FBN1: variants seen among roughly 807,000 people sequenced by gnomAD.
FBN1 encodes the protein fibrillin-1.
A neutral mutation model predicts 365.1 loss-of-function variants in FBN1; 29 were observed. The ratio of observed to expected loss-of-function variants is 0.08; its 90% CI spans 0.06 to 0.11. The LOEUF is 0.11. FBN1 is among the 10% of genes least tolerant of loss of function. FBN1 has a pLI of 1.00. For synonymous variants in FBN1, 1,210 were observed against 1,270.5 expected, an observed-to-expected ratio of 0.95 and a Z score of 1.01; for missense variants, 2,476 against 3,703.2, an observed-to-expected ratio of 0.67 and a Z score of 8.60.
Position 48,470,692 on chromosome 15 carries a change from C to T in FBN1, c.4401G>A (p.Leu1467=), listed in dbSNP as rs747377334. 1.2e-6 allele frequency: 2 copies of T among 1,614,070 alleles called. No homozygotes were observed. The highest frequency in any genetic ancestry group is 2.2e-5 in the South Asian group (2 of 91,058). ...VFGTCHNLPG[L]FRCECEIGYE... ...AGCCTATCTCACACTCACAGCGGAA[C>T]AGGCCAGGGAGGTTGTGGCAAGTTC... The change falls in exon 36 of 66, where the codon CTG becomes CTA. Residue 1467 remains leucine, a synonymous_variant. Transcript: ENST00000316623.
At chr15:48,443,657 C>A (rs949954613) in intron 49 of FBN1, among the ~76,000 whole-genome samples, 1 of 152,054 alleles carries the variant, frequency 6.6e-6, no homozygotes, top group Non-Finnish European at 1.5e-5. Flanking sequence ...AGATGCAGAC[C>A]TGTTTAAAGT....
rs1303761807 is a variant in FBN1, at chr15:48,463,128, G to A, written c.5178C>T (p.Gly1726=). 5 of 1,614,082 alleles carry A rather than the reference G, an allele frequency of 3.1e-6. No homozygotes were observed. The highest frequency in any genetic ancestry group is 4.2e-6 in the Non-Finnish European group (5 of 1,179,934). Residue 1726 remains glycine (G), a synonymous_variant, in exon 42 of 66, where the codon GGC becomes GGT. Transcript: ENST00000316623. ...GTTCACAGGGCTTGTTCCACGCCCG[G>A]CCAATGTTGTAGGAACAGCAGCACA... is the stretch of plus-strand genomic sequence containing the variant. The part of the protein sequence containing the change: ...KKMCCCSYNI[G]RAWNKPCEQC...
chr15:48,488,405 G>A lies in FBN1; in HGVS notation c.3171C>T (p.Ser1057=), dbSNP rs144400069. 111 of 1,614,214 alleles carry A rather than the reference G, an allele frequency of 6.9e-5. No homozygotes were observed. The highest frequency in any genetic ancestry group is 1.9e-4 in the African/African-American group (14 of 75,044). ...TTTCTTCAGAATCAAGAGCAAAGCC[G>A]CTGTCACACCTGCACTTAAAGCTGC... ...TIGSFKCRCD[S]GFALDSEERN... is the part of the protein sequence containing the mutation. The change falls in exon 26 of 66, where the codon AGC becomes AGT. Residue 1057 remains serine, a synonymous_variant. Transcript: ENST00000316623.
At chr15:48,636,285 C>T (rs935770655) in intron 2 of FBN1, among the ~76,000 whole-genome samples, 3 of 152,074 alleles carry the variant, frequency 2.0e-5, no homozygotes, top group African/African-American at 7.2e-5. Context: ...TGTAGAGAGG[C>T]CACGTATAGA....
intron 63 of FBN1, chr15:48,416,542 G>GT (rs2042904823): frequency 6.5e-6 from 1 of 152,698 alleles, no homozygotes; most frequent in Non-Finnish European, 1.5e-5. Context: ...TTCACAAGCA[G>GT]TAATTGGGGA....
rs541564906 is a variant in FBN1, at chr15:48,576,409, T to C, written c.538+19874A>G. Among the ~76,000 whole-genome samples the C allele has an allele frequency of 1.1e-4, 16 of 152,310 alleles. 1 individual carries two copies. In the South Asian group the frequency reaches 2.7e-3, roughly 26 times the overall value. On this transcript the variant is annotated intron_variant, in intron 6 of 65. Transcript: ENST00000316623. ...TTTTCCCCCTCTACTCTGATCTCCCTTTGTGCACATGTCTAATATAGCATT... is the reference window on the plus strand; with the variant it reads ...TTTTCCCCCTCTACTCTGATCTCCCCTTGTGCACATGTCTAATATAGCATT...
intron 61 of FBN1, 108 bp downstream of exon 61, chr15:48,421,844 A>G: frequency 8.4e-7 from 1 of 1,196,558 alleles, no homozygotes; most frequent in Admixed American, 1.8e-5. Flanking sequence ...ATGCACTCAT[A>G]TATTTCTTTG....
rs1409489395 is a variant in FBN1 at position 48,515,458 on chromosome 15, A to G, written c.1397T>C (p.Ile466Thr). ...VRYLCQNGRC[I>T]PTPGSYRCEC... ...ACACCGGTAACTCCCAGGAGTTGGA[A>G]TGCAGCGTCCATTTTGACAGAGATA... The change falls in exon 12 of 66, where the codon ATT becomes ACT. Residue 466 changes from isoleucine (I) to threonine (T), a missense_variant. Physicochemically the swap from Ile to Thr is moderately conservative, Grantham distance 89 (BLOSUM62 -1). Transcript: ENST00000316623. 2 of 1,614,056 alleles carry G rather than the reference A, an allele frequency of 1.2e-6. No individual in the cohort carries two copies. The highest frequency in any genetic ancestry group is 1.7e-6 in the Non-Finnish European group (2 of 1,179,908).
At chr15:48,613,825 G>A (rs1183388193) in intron 2 of FBN1, among the ~76,000 whole-genome samples, 2 of 152,116 alleles carry the variant, frequency 1.3e-5, no homozygotes, top group African/African-American at 4.8e-5. Context: ...CTACTTGGGG[G>A]GCTGAGGCAC....
At chr15:48,445,581 A>C in intron 47 of FBN1, 77 bp from the exon 48 acceptor site, 1 of 1,527,822 alleles carries the variant, frequency 6.5e-7, no homozygotes, top group Non-Finnish European at 9.1e-7. Flanking sequence ...AACTTCTAAA[A>C]GAAAAAATAC....
intron 42 of FBN1, 119 bp downstream of exon 42, chr15:48,462,963 T>A (rs574425120): frequency 1.8e-4 from 188 of 1,028,414 alleles, no homozygotes; most frequent in Non-Finnish European, 2.3e-4. Context: ...ATGAGCCGTT[T>A]TTTTCCCTGT....
At chr15:48,580,246 G>A (rs2044381665) in intron 6 of FBN1, among the ~76,000 whole-genome samples, 1 of 152,090 alleles carries the variant, frequency 6.6e-6, no homozygotes, top group South Asian at 2.1e-4. Flanking sequence ...AGTCAGACAA[G>A]CGTGACATTT....
At position 48,420,679 on chromosome 15, in the gene FBN1, T is replaced by C; in HGVS notation, c.7819+8A>G. On this transcript the variant is annotated splice_region_variant and intron_variant, in intron 63 of 65. Coordinates refer to ENST00000316623, the MANE Select transcript of FBN1 (RefSeq NM_000138.5). ...CATGCATCTTGAGAGTGAGGAAAAG[T>C]TACTTGCCAACACACTGGTTCCACT... is the stretch of plus-strand genomic sequence containing the variant. 1.9e-6 allele frequency: 3 copies of C among 1,613,890 alleles called. No homozygotes were observed. Among genetic ancestry groups the C allele is most frequent in the Non-Finnish European group, 2.5e-6 (3 of 1,179,986 alleles).
chr15:48,637,408 A>G (rs1890113310), intron 2 of FBN1, among the ~76,000 whole-genome samples: 1 of 152,182 alleles, frequency 6.6e-6, no homozygotes, highest in African/African-American at 2.4e-5. Flanking sequence ...ATTGCCACCT[A>G]TGTACGGGCT....
At chr15:48,465,462 C>A in intron 40 of FBN1, 106 bp downstream of exon 40, 1 of 1,350,608 alleles carries the variant, frequency 7.4e-7, no homozygotes, top group Non-Finnish European at 1.1e-6. Flanking sequence ...GTGTTTAGAA[C>A]ATTGTGCTAC....
intron 6 of FBN1, among the ~76,000 whole-genome samples, chr15:48,549,009 T>C (rs1393844902): frequency 6.6e-6 from 1 of 152,256 alleles, no homozygotes; most frequent in Non-Finnish European, 1.5e-5. Flanking sequence ...ACTACTAATA[T>C]TTAAAATTCA....
At chr15:48,525,342 C>T (rs750769476) in intron 9 of FBN1, among the ~76,000 whole-genome samples, 2 of 152,204 alleles carry the variant, frequency 1.3e-5, no homozygotes, top group Non-Finnish European at 2.9e-5. Context: ...CTGCCCGCCT[C>T]GGCCTCCCAA....
intron 17 of FBN1, among the ~76,000 whole-genome samples, chr15:48,503,028 G>A (rs867506731): frequency 2.6e-5 from 4 of 152,100 alleles, no homozygotes; most frequent in Middle Eastern, 3.4e-3. Flanking sequence ...GTCCGGGCGC[G>A]GTGGCTCACA....
intron 10 of FBN1, 121 bp downstream of exon 10, chr15:48,520,538 T>G (rs1208657069): frequency 8.5e-7 from 1 of 1,172,992 alleles, no homozygotes; most frequent in Admixed American, 2.3e-5. Context: ...ACGTCATCTC[T>G]TATATTTCCT....
Sources: gnomAD v4.1 joint callset for allele counts (sites outside exome capture counted in the v4.1 genomes callset) on GRCh38, gnomAD v4.1.1 for gene constraint, MANE v1.5 for transcripts, NCBI Gene and HGNC (gene_info 2026-07-23, HGNC 2026-07-21) for gene names.